BBS7: variants seen among roughly 807,000 people sequenced by gnomAD.
BBS7 encodes BBSome complex member BBS7.
In BBS7, 50 loss-of-function variants were observed where a neutral mutation model predicts 90.3. That is an observed-to-expected ratio of 0.55 (90% CI 0.44 to 0.70). The LOEUF is 0.70. BBS7 is among the 30% of genes least tolerant of loss of function. The pLI is 0.00. For synonymous variants in BBS7, 235 were observed against 287.4 expected, an observed-to-expected ratio of 0.82 and a Z score of 1.85; for missense variants, 729 against 838.9, an observed-to-expected ratio of 0.87 and a Z score of 1.62.
chr4:121,855,125 C>G (rs1373334621), intron 6 of BBS7, among the ~76,000 whole-genome samples: 1 of 151,946 alleles, frequency 6.6e-6, no homozygotes, highest in African/African-American at 2.4e-5. Context: ...CTAACCTGGG[C>G]AACATGGCGA....
chr4:121,824,698 GT>G lies in BBS7; in HGVS notation c.*1161del, dbSNP rs1463800561. On this transcript the variant is annotated 3_prime_UTR_variant, in exon 19 of 19. Transcript: ENST00000264499. The surrounding 1 kb of genome is among the most constrained non-coding windows in gnomAD (Gnocchi z 4.1). ...TAATTATGTTCCTTTCAGAAGTAAA[GT>G]TTTTTAAACATAGTAAAAACAATAT... The G allele has an allele frequency of 2.0e-5, 3 of 151,888 alleles. No homozygotes were observed. The highest frequency in any genetic ancestry group is 1.5e-5 in the Non-Finnish European group (1 of 67,958). The allele number at this position is 151,888 out of a possible 1,614,324, so 9.4% of individuals were successfully genotyped here. A position where few individuals can be genotyped will look rare whatever the true frequency, so the allele number is the denominator to read the frequency against.
chr4:121,828,384 G>A lies in BBS7; in HGVS notation c.1890+18C>T, dbSNP rs368818326. 4 of 1,603,468 alleles carry A rather than the reference G, an allele frequency of 2.5e-6. No individual in the cohort carries two copies. The highest frequency in any genetic ancestry group is 2.2e-5 in the East Asian group (1 of 44,742). On this transcript the variant is annotated intron_variant, in intron 17 of 18. Transcript: ENST00000264499. ...CTTCAAATAATAATCACCAGTCCAC[G>A]ACGACACATGTACTTACTTTTAAAG...
rs1288965384 is a variant in BBS7 at position 121,824,946 on chromosome 4, CTT to C, written c.*912_*913del. On this transcript the variant is annotated 3_prime_UTR_variant, in exon 19 of 19. Coordinates refer to ENST00000264499, the MANE Select transcript of BBS7 (RefSeq NM_176824.3). This position sits in a 1 kb window ranked among gnomAD's most constrained non-coding sequence, Gnocchi z 4.1. ...CCATTTTAAAACCTTTCAATATTCC[CTT>C]GAAATTAATAAATATGAATTAAGAT... 1 of 151,938 alleles carries C rather than the reference CTT, an allele frequency of 6.6e-6. No individual in the cohort carries two copies. Among genetic ancestry groups the C allele is most frequent in the East Asian group, 1.9e-4 (1 of 5,188 alleles). 9.4% of individuals were successfully genotyped at this position (151,938 alleles called of 1,614,324 possible).
intron 2 of BBS7, among the ~76,000 whole-genome samples, chr4:121,865,516 G>C (rs1727219000): frequency 6.6e-6 from 1 of 152,184 alleles, no homozygotes; most frequent in Admixed American, 6.5e-5. Flanking sequence ...TGGGATTACA[G>C]GCGTGAGTCA....
chr4:121,832,009 A>AAAACACACACAC (rs1553930919), intron 15 of BBS7, among the ~76,000 whole-genome samples: 3 of 142,768 alleles, frequency 2.1e-5, no homozygotes, highest in African/African-American at 8.0e-5. Flanking sequence ...AAAAAACAAA[A>AAAACACACACAC]ACACACACAC....
chr4:121,856,488 G>C (rs558254193), intron 5 of BBS7, among the ~76,000 whole-genome samples: 2 of 151,986 alleles, frequency 1.3e-5, no homozygotes, highest in African/African-American at 4.8e-5. Context: ...AGGCCAAGAC[G>C]GGTGGATCAT....
Position 121,845,813 on chromosome 4 carries a change from T to C in BBS7, c.1038-117A>G, listed in dbSNP as rs931505022. On this transcript the variant is annotated intron_variant, in intron 10 of 18. Coordinates refer to ENST00000264499, the MANE Select transcript of BBS7 (RefSeq NM_176824.3). Reference sequence around the variant, plus strand: ...CAAAATGGGTTTTTATTGGTTGAGTTAATAAAATAAAAACAAAGGGAGCAA... The same window carrying C: ...CAAAATGGGTTTTTATTGGTTGAGTCAATAAAATAAAAACAAAGGGAGCAA... 10 of 968,818 alleles carry C rather than the reference T, an allele frequency of 1.0e-5. No homozygotes were observed. In the Admixed American group the frequency reaches 2.3e-4, roughly 23 times the overall value. 60.0% of individuals were successfully genotyped at this position (968,818 alleles called of 1,614,324 possible).
chr4:121,861,452 C>CA, intron 4 of BBS7, 52 bp downstream of exon 4: 2 of 1,552,412 alleles, frequency 1.3e-6, no homozygotes, highest in South Asian at 2.3e-5. Context: ...CACATCTATC[C>CA]AAAATATTAT....
chr4:121,827,620 C>G, intron 18 of BBS7: 1 of 282,378 alleles, frequency 3.5e-6, no homozygotes, highest in African/African-American at 2.3e-5. Flanking sequence ...TCCTTCCTCA[C>G]TCCTTCTTTC....
chr4:121,828,375 C>G (rs749868720), intron 17 of BBS7, 27 bp downstream of exon 17: 10 of 1,597,078 alleles, frequency 6.3e-6, no homozygotes, highest in African/African-American at 4.0e-5. Flanking sequence ...ATAATAATCA[C>G]CAGTCCACGA....
intron 2 of BBS7, among the ~76,000 whole-genome samples, chr4:121,863,482 T>C (rs141030648): frequency 1.9e-3 from 287 of 152,144 alleles, no homozygotes; most frequent in Non-Finnish European, 3.2e-3. Context: ...AGAAAAGTAA[T>C]TGGCCATAGA....
intron 8 of BBS7, among the ~76,000 whole-genome samples, chr4:121,852,178 C>T (rs1240849155): frequency 1.3e-5 from 2 of 152,156 alleles, no homozygotes; most frequent in Admixed American, 6.5e-5. Flanking sequence ...TATACTTTAC[C>T]TGTGCTTCAA....
At chr4:121,836,408 T>C (rs943729343) in intron 13 of BBS7, among the ~76,000 whole-genome samples, 1 of 152,180 alleles carries the variant, frequency 6.6e-6, no homozygotes, top group African/African-American at 2.4e-5. Flanking sequence ...GTGTGTTTCT[T>C]TTCATACATT....
intron 2 of BBS7, 147 bp from the exon 3 acceptor site, chr4:121,863,426 T>A: frequency 1.5e-6 from 1 of 653,884 alleles, no homozygotes; most frequent in Non-Finnish European, 2.5e-6. Flanking sequence ...CAAAAAATAA[T>A]CCTCAAAAGA....
intron 14 of BBS7, 64 bp from the exon 15 acceptor site, chr4:121,833,459 C>T (rs551810901): frequency 2.5e-4 from 363 of 1,429,140 alleles, no homozygotes; most frequent in African/African-American, 1.7e-3. Context: ...TATATGTACA[C>T]GTTAATAAGC....
At chr4:121,836,310 A>T (rs1197791838) in intron 13 of BBS7, among the ~76,000 whole-genome samples, 1 of 152,018 alleles carries the variant, frequency 6.6e-6, no homozygotes, top group Non-Finnish European at 1.5e-5. Flanking sequence ...TTTCCCCCTT[A>T]TCTCTGCCTC....
intron 14 of BBS7, among the ~76,000 whole-genome samples, chr4:121,834,339 A>G (rs1725339698): frequency 6.6e-6 from 1 of 152,128 alleles, no homozygotes; most frequent in Non-Finnish European, 1.5e-5. Context: ...CATTAGTACA[A>G]CCTTGACTTT....
In BBS7 at chr4:121,849,029, A is replaced by G. The variant is rs547048207; in HGVS notation, c.850-101T>C. 5 of 838,746 alleles carry G rather than the reference A, an allele frequency of 6.0e-6. No homozygotes were observed. In the African/African-American group the frequency reaches 6.7e-5, roughly 11 times the overall value. The allele number at this position is 838,746 out of a possible 1,614,324, so 52.0% of individuals were successfully genotyped here. Reference sequence around the variant, plus strand: ...TTTTCCCTGGCTCCAGACATTCAACATATATTTACTGAATGTTTATGTGCA... The same window carrying G: ...TTTTCCCTGGCTCCAGACATTCAACGTATATTTACTGAATGTTTATGTGCA... On this transcript the variant is annotated intron_variant, in intron 8 of 18. Transcript: ENST00000264499.
intron 5 of BBS7, among the ~76,000 whole-genome samples, chr4:121,858,053 G>A (rs368707450): frequency 7.9e-5 from 12 of 152,130 alleles, no homozygotes; most frequent in South Asian, 4.1e-4. Flanking sequence ...TGATCTTCCC[G>A]TCTCAGCCTC....
Sources: gnomAD v4.1 joint callset for allele counts (sites outside exome capture counted in the v4.1 genomes callset) on GRCh38, gnomAD v4.1.1 for gene constraint, Gnocchi (gnomAD v3.1) non-coding constraint, MANE v1.5 for transcripts, NCBI Gene and HGNC (gene_info 2026-07-23, HGNC 2026-07-21) for gene names.